Variants in CFH observed in about 807,000 individuals in gnomAD.
The protein encoded by CFH is H factor 1 (complement).
CFH carries 53 observed loss-of-function variants against 147.3 expected under a neutral mutation model. That is an observed-to-expected ratio of 0.36 (90% CI 0.29 to 0.45). The LOEUF (loss-of-function observed/expected upper bound fraction) is 0.45, where lower values mean the gene tolerates loss of function less well. CFH is among the 20% of genes least tolerant of loss of function. The probability of loss-of-function intolerance (pLI) is 1.00; values close to 1 mark genes in which losing one functional copy is unlikely to be tolerated. For synonymous variants in CFH, 536 were observed against 489.4 expected (o/e 1.10, Z -1.26); for missense variants, 1,380 against 1,498.0 (o/e 0.92, Z 1.30).
chr1:196,690,696 C>A (rs1667993085), intron 9 of CFH, among the ~76,000 whole-genome samples: 1 of 152,080 alleles, frequency 6.6e-6, no homozygotes, highest in Non-Finnish European at 1.5e-5. Context: ...TGAATCCCTG[C>A]CCCTGGTGGA....
intron 1 of CFH, among the ~76,000 whole-genome samples, chr1:196,655,981 G>T (rs144888562): frequency 6.6e-6 from 1 of 152,154 alleles, no homozygotes; most frequent in South Asian, 2.1e-4. Context: ...CATAAACCTT[G>T]TTAACTGGAA....
At chr1:196,654,070 T>C (rs1254403830) in intron 1 of CFH, among the ~76,000 whole-genome samples, 2 of 152,068 alleles carry the variant, frequency 1.3e-5, no homozygotes, top group Non-Finnish European at 2.9e-5. Context: ...ATCTAAAAAA[T>C]TTTTACTTAA....
chr1:196,677,313 C>T, intron 4 of CFH, 163 bp from the exon 5 acceptor site: 1 of 633,764 alleles, frequency 1.6e-6, no homozygotes, highest in South Asian at 2.0e-5. Flanking sequence ...TTGCTTGTTT[C>T]TTAGAGGAAA....
intron 1 of CFH, among the ~76,000 whole-genome samples, chr1:196,654,991 A>G (rs2149065652): frequency 6.6e-6 from 1 of 152,284 alleles, no homozygotes; most frequent in South Asian, 2.1e-4. Context: ...CGATGGCCCA[A>G]TTGGCTTCAA....
chr1:196,740,908 T>G (rs1039667944), intron 18 of CFH, 116 bp downstream of exon 18: 5 of 1,062,178 alleles, frequency 4.7e-6, no homozygotes, highest in Non-Finnish European at 7.1e-6. Flanking sequence ...TTCTTGAATA[T>G]TCTGGACTGC....
rs1558173547 is a variant in CFH at position 196,714,698 on chromosome 1, GAGA to G, written c.1519+782_1519+784del. On this transcript the variant is annotated intron_variant, in intron 10 of 21. Coordinates refer to ENST00000367429, the MANE Select transcript of CFH (RefSeq NM_000186.4). Reference sequence around the variant, plus strand: ...AGAGAGAGAGAGAGAGAGAGAGAGAGAGAGAGAGAGAGAGAGAGAGATGGAGTC... The same window carrying G: ...AGAGAGAGAGAGAGAGAGAGAGAGAGGAGAGAGAGAGAGAGAGATGGAGTC... 3.1e-4 allele frequency among the ~76,000 whole-genome samples: 38 copies of G among 120,916 alleles called. 2 individuals are homozygous for G. Among genetic ancestry groups the G allele is most frequent in the East Asian group, 6.9e-4 (3 of 4,342 alleles). 79.3% of individuals were successfully genotyped at this position (120,916 alleles called of 152,430 possible).
At chr1:196,704,545 C>A (rs1668540955) in intron 9 of CFH, among the ~76,000 whole-genome samples, 1 of 152,178 alleles carries the variant, frequency 6.6e-6, no homozygotes, top group South Asian at 2.1e-4. Flanking sequence ...GCCTGCACCC[C>A]TGAAGAGATA....
intron 9 of CFH, among the ~76,000 whole-genome samples, chr1:196,691,537 A>T (rs1668023311): frequency 6.6e-6 from 1 of 151,988 alleles, no homozygotes; most frequent in African/African-American, 2.4e-5. Context: ...TAGAATATAT[A>T]TTCACAGTTT....
intron 15 of CFH, among the ~76,000 whole-genome samples, chr1:196,735,850 A>C (rs1669389202): frequency 6.6e-6 from 1 of 152,074 alleles, no homozygotes; most frequent in South Asian, 2.1e-4. Context: ...ATTATCAATA[A>C]CCTTTAATGA....
chr1:196,658,083 A>T (rs185291226), intron 1 of CFH, among the ~76,000 whole-genome samples: 85 of 152,272 alleles, frequency 5.6e-4, no homozygotes, highest in Non-Finnish European at 9.7e-4. Flanking sequence ...AAAATTAGGT[A>T]AATTAAGATT....
At chr1:196,719,839 C>A (rs1668957108) in intron 11 of CFH, among the ~76,000 whole-genome samples, 1 of 151,260 alleles carries the variant, frequency 6.6e-6, no homozygotes, top group Admixed American at 6.6e-5. Context: ...ATTCAGGATA[C>A]CTAGAATTTG....
intron 1 of CFH, among the ~76,000 whole-genome samples, chr1:196,656,954 T>C (rs904588804): frequency 6.6e-6 from 1 of 152,112 alleles, no homozygotes; most frequent in African/African-American, 2.4e-5. Context: ...CTTCTTGCTC[T>C]TTTCACTGTT....
intron 6 of CFH, among the ~76,000 whole-genome samples, chr1:196,681,915 A>G (rs2149083440): frequency 6.6e-6 from 1 of 151,900 alleles, no homozygotes; most frequent in African/African-American, 2.4e-5. Flanking sequence ...TATACACATC[A>G]TTTTCTCTGA....
chr1:196,742,489 T>G (rs774792971), intron 19 of CFH, among the ~76,000 whole-genome samples: 8 of 152,172 alleles, frequency 5.3e-5, no homozygotes, highest in Non-Finnish European at 1.2e-4. Flanking sequence ...GGACATAAAT[T>G]AAGTTTTTAC....
At chr1:196,714,213 T>C (rs1668792061) in intron 10 of CFH, among the ~76,000 whole-genome samples, 1 of 152,076 alleles carries the variant, frequency 6.6e-6, no homozygotes, top group South Asian at 2.1e-4. Context: ...CCTTTATGAC[T>C]GTTAATATAT....
At chr1:196,699,663 G>T (rs1161563633) in intron 9 of CFH, among the ~76,000 whole-genome samples, 1 of 152,142 alleles carries the variant, frequency 6.6e-6, no homozygotes, top group Admixed American at 6.6e-5. Flanking sequence ...GTTAATTTTT[G>T]TATGAGGTAT....
chr1:196,745,133 T>C (rs1652955914), intron 20 of CFH, among the ~76,000 whole-genome samples: 1 of 152,150 alleles, frequency 6.6e-6, no homozygotes, highest in African/African-American at 2.4e-5. Flanking sequence ...TATTTTAATG[T>C]ATATTGGTAT....
intron 20 of CFH, among the ~76,000 whole-genome samples, chr1:196,743,896 G>A (rs756292936): frequency 1.3e-5 from 2 of 152,048 alleles, no homozygotes; most frequent in South Asian, 4.1e-4. Flanking sequence ...TCAGGAATAC[G>A]TGTAATAAAA....
intron 15 of CFH, among the ~76,000 whole-genome samples, chr1:196,730,796 T>C (rs1435064735): frequency 6.6e-6 from 1 of 151,772 alleles, no homozygotes; most frequent in Non-Finnish European, 1.5e-5. Context: ...ATAGTTGTAT[T>C]ATCTTGACAA....
Sources: allele counts gnomAD v4.1 joint callset (sites outside exome capture counted in the v4.1 genomes callset), GRCh38; gene constraint gnomAD v4.1.1; transcripts MANE v1.5; gene names NCBI Gene and HGNC (gene_info 2026-07-23, HGNC 2026-07-21).